The following SNTG2 variants were observed in gnomAD, a reference collection of about 807,000 sequenced individuals.
SNTG2 encodes syntrophin gamma 2, also known as gamma-2-syntrophin.
SNTG2 carries 74 observed loss-of-function variants against 70.9 expected under a neutral mutation model. That is an observed-to-expected ratio of 1.04 (90% CI 0.86 to 1.27). The LOEUF is 1.27. Among genes scored for constraint, SNTG2 ranks in the 50% most tolerant of loss-of-function variants. The pLI, the probability that SNTG2 is intolerant of heterozygous loss-of-function variation, is 0.00. For synonymous variants in SNTG2, 278 were observed against 273.8 expected (o/e 1.02, Z -0.15); for missense variants, 717 against 690.7 (o/e 1.04, Z -0.43).
chr2:1,042,384 T>C (rs1661487634), intron 1 of SNTG2, among the ~76,000 whole-genome samples: 1 of 152,132 alleles, frequency 6.6e-6, no homozygotes, highest in African/African-American at 2.4e-5. Context: ...TTTCCAACTT[T>C]TGTTTTAGGT....
chr2:1,264,721 T>C (rs1482193194), intron 13 of SNTG2, among the ~76,000 whole-genome samples: 2 of 152,216 alleles, frequency 1.3e-5, no homozygotes, highest in Non-Finnish European at 1.5e-5. Flanking sequence ...TCTAGCTTAC[T>C]TTCTTAATTC....
chr2:1,120,621 A>G (rs1392347967), intron 4 of SNTG2, among the ~76,000 whole-genome samples: 1 of 149,392 alleles, frequency 6.7e-6, no homozygotes, highest in Non-Finnish European at 1.5e-5. Context: ...AACATCTGAT[A>G]AAACAGACTT....
At chr2:1,193,102 C>T (rs1345337948) in intron 8 of SNTG2, among the ~76,000 whole-genome samples, 10 of 152,190 alleles carry the variant, frequency 6.6e-5, no homozygotes, top group Admixed American at 4.6e-4. Context: ...GGGCTGTGGC[C>T]CCATTACATA....
rs531465014 is a variant in SNTG2, at chr2:1,233,462, C to T, written c.720-4426C>T. ...CCTTTCTGCATGTGGACAGGAAGACCGCAGCGAAGGCAGGCAGTGTGACCG... is the reference window on the plus strand; with the variant it reads ...CCTTTCTGCATGTGGACAGGAAGACTGCAGCGAAGGCAGGCAGTGTGACCG... On this transcript the variant is annotated intron_variant, in intron 9 of 16. Coordinates refer to ENST00000308624, the MANE Select transcript of SNTG2 (RefSeq NM_018968.4). Among the ~76,000 whole-genome samples the T allele has an allele frequency of 4.6e-5, 7 of 152,220 alleles. No individual in the cohort carries two copies. The South Asian group carries it at 8.3e-4, about 18-fold the overall frequency.
chr2:1,333,216 T>G (rs1659621612), intron 16 of SNTG2, among the ~76,000 whole-genome samples: 1 of 152,046 alleles, frequency 6.6e-6, no homozygotes, highest in Non-Finnish European at 1.5e-5. Context: ...CTGCAAAAAG[T>G]AAAATATTTA....
At chr2:992,128 A>C (rs943287951) in intron 1 of SNTG2, among the ~76,000 whole-genome samples, 10 of 152,194 alleles carry the variant, frequency 6.6e-5, no homozygotes, top group African/African-American at 2.4e-4. Context: ...CTTTTGAAGG[A>C]AACATATTTT....
chr2:1,159,726 T>C (rs539845821), intron 6 of SNTG2, among the ~76,000 whole-genome samples: 5 of 152,078 alleles, frequency 3.3e-5, no homozygotes, highest in African/African-American at 1.2e-4. Context: ...ATAATAAAAA[T>C]GAAGATGCGA....
intron 12 of SNTG2, among the ~76,000 whole-genome samples, chr2:1,255,150 C>T (rs553862233): frequency 2.6e-5 from 4 of 151,998 alleles, no homozygotes; most frequent in Non-Finnish European, 4.4e-5. Context: ...TTTCAGGAAG[C>T]CATGGCGTGG....
At chr2:1,255,873 A>AATATATATAAATATATATAT (rs1678051812) in intron 12 of SNTG2, among the ~76,000 whole-genome samples, 1 of 26,206 alleles carries the variant, frequency 3.8e-5, no homozygotes, top group Non-Finnish European at 6.9e-5. Flanking sequence ...AATATATATA[A>AATATATATAAATATATATAT]ATATATATAT....
At chr2:1,222,139 C>CTGCCTA (rs1553362403) in intron 9 of SNTG2, among the ~76,000 whole-genome samples, 4 of 116,002 alleles carry the variant, frequency 3.4e-5, no homozygotes, top group Non-Finnish European at 6.0e-5. Context: ...CTCTCTGTCT[C>CTGCCTA]TCTCTGTCTC....
rs112011668 is a variant in SNTG2, at chr2:1,249,395, G to A, written c.1005+1952G>A. Among the ~76,000 whole-genome samples the A allele has an allele frequency of 7.0e-3, 1,060 of 152,204 alleles. 10 individuals carry two copies. The highest frequency in any genetic ancestry group is 0.015 in the South Asian group (72 of 4,820). On this transcript the variant is annotated intron_variant, in intron 12 of 16. Coordinates refer to ENST00000308624, the MANE Select transcript of SNTG2 (RefSeq NM_018968.4). ...AAATAGTAAACAAATATACTTGACC[G>A]AGGATTGTTTTGGATAATTTATTTA... is the stretch of plus-strand genomic sequence containing the variant.
chr2:1,240,444 G>T (rs1676971813), intron 11 of SNTG2, among the ~76,000 whole-genome samples: 1 of 152,166 alleles, frequency 6.6e-6, no homozygotes. Flanking sequence ...TTATTCTTCT[G>T]TTTCCTTTAT....
At chr2:1,262,337 A>G (rs1678456339) in intron 13 of SNTG2, among the ~76,000 whole-genome samples, 1 of 152,138 alleles carries the variant, frequency 6.6e-6, no homozygotes, top group Non-Finnish European at 1.5e-5. Context: ...AGCACCCACC[A>G]AGGCTGGGCT....
intron 13 of SNTG2, among the ~76,000 whole-genome samples, chr2:1,266,696 T>C (rs536055910): frequency 1.3e-4 from 19 of 151,872 alleles, no homozygotes; most frequent in Non-Finnish European, 2.6e-4. Flanking sequence ...ATTTTCAGTG[T>C]TTTCTGGTTT....
intron 6 of SNTG2, among the ~76,000 whole-genome samples, chr2:1,155,987 C>T (rs1314069491): frequency 6.6e-6 from 1 of 152,096 alleles, no homozygotes; most frequent in Non-Finnish European, 1.5e-5. Context: ...GAAGGCCAGG[C>T]CAGGCCAGGC....
chr2:997,978 G>A (rs1445308923), intron 1 of SNTG2, among the ~76,000 whole-genome samples: 5 of 152,180 alleles, frequency 3.3e-5, no homozygotes, highest in African/African-American at 7.2e-5. Flanking sequence ...GCAAGAGGCT[G>A]TTAGCCTACT....
At chr2:1,245,924 A>G (rs1393131613) in intron 11 of SNTG2, among the ~76,000 whole-genome samples, 1 of 152,090 alleles carries the variant, frequency 6.6e-6, no homozygotes, top group Non-Finnish European at 1.5e-5. Context: ...CATGATGGAA[A>G]AAGAGAGCCT....
chr2:1,245,281 GA>G lies in SNTG2; in HGVS notation c.889-2036del, dbSNP rs1055373362. 2.3e-3 allele frequency among the ~76,000 whole-genome samples: 345 copies of G among 147,472 alleles called. 5 individuals carry two copies. The highest frequency in any genetic ancestry group is 7.5e-3 in the African/African-American group (303 of 40,134). Reference sequence around the variant, plus strand: ...TTAAAGTATAATAATAAAAAAAAAGGAAAAAAAAAAGAAATAAGTCCTCCTC... The same window carrying G: ...TTAAAGTATAATAATAAAAAAAAAGGAAAAAAAAAGAAATAAGTCCTCCTC... On this transcript the variant is annotated intron_variant, in intron 11 of 16. Coordinates refer to ENST00000308624, the MANE Select transcript of SNTG2 (RefSeq NM_018968.4).
chr2:1,293,960 A>G (rs1680095238), intron 14 of SNTG2, among the ~76,000 whole-genome samples: 6 of 152,304 alleles, frequency 3.9e-5, no homozygotes, highest in African/African-American at 1.4e-4. Flanking sequence ...AAGAACATTC[A>G]AGATGTTCCT....
Sources: gnomAD v4.1 joint callset for allele counts (sites outside exome capture counted in the v4.1 genomes callset) on GRCh38, gnomAD v4.1.1 for gene constraint, MANE v1.5 for transcripts, NCBI Gene and HGNC (gene_info 2026-07-23, HGNC 2026-07-21) for gene names.